The following DACH2 variants were observed in gnomAD, a reference collection of about 807,000 sequenced individuals.
DACH2 encodes dachshund family transcription factor 2.
In DACH2, 17 loss-of-function variants were observed where a neutral mutation model predicts 35.8. The observed-to-expected ratio is 0.48, with a 90% CI of 0.33 to 0.71. The LOEUF (loss-of-function observed/expected upper bound fraction) is 0.71, where lower values mean the gene tolerates loss of function less well. Among genes scored for constraint, DACH2 ranks in the 30% least tolerant of loss-of-function variants. The pLI is 0.02. For missense variants in DACH2, 469 were observed against 472.7 expected, an observed-to-expected ratio of 0.99 and a Z score of 0.07; for synonymous variants, 195 against 177.3, an observed-to-expected ratio of 1.10 and a Z score of -0.79.
At chrX:86,223,620 A>G (rs1255171986) in intron 1 of DACH2, among the ~76,000 whole-genome samples, 2 of 111,334 alleles carry the variant, frequency 1.8e-5, no homozygotes, top group African/African-American at 6.5e-5. Flanking sequence ...ATTAAACAAA[A>G]CCCTCTTTCT....
At chrX:86,284,862 A>G (rs747861101) in intron 1 of DACH2, among the ~76,000 whole-genome samples, 59 of 110,356 alleles carry the variant, frequency 5.3e-4, no homozygotes, top group African/African-American at 1.9e-3. Context: ...TCATGATTCA[A>G]TCTTGGTGGG....
intron 1 of DACH2, chrX:86,184,181 C>A: frequency 5.9e-6 from 1 of 169,604 alleles, no homozygotes; most frequent in Non-Finnish European, 1.1e-5. Context: ...TCCTTCAGTT[C>A]TGCTTTTATC....
chrX:86,629,861 C>A (rs776786341), intron 3 of DACH2, among the ~76,000 whole-genome samples: 1 of 110,703 alleles, frequency 9.0e-6, no homozygotes, highest in African/African-American at 3.3e-5. Flanking sequence ...AGCAACAGAG[C>A]GAGACCCTGT....
intron 3 of DACH2, among the ~76,000 whole-genome samples, chrX:86,603,286 C>T (rs930662009): frequency 1.8e-5 from 2 of 111,099 alleles, no homozygotes; most frequent in Non-Finnish European, 3.8e-5. Flanking sequence ...TATAAAGATC[C>T]CATCTCTAAA....
intron 2 of DACH2, among the ~76,000 whole-genome samples, chrX:86,407,021 C>T (rs1250912902): frequency 1.8e-5 from 2 of 111,828 alleles, no homozygotes; most frequent in African/African-American, 6.5e-5. Context: ...TTATTTTTTG[C>T]TTTTCTGGGA....
chrX:86,460,678 T>A (rs1022543034), intron 2 of DACH2, among the ~76,000 whole-genome samples: 2 of 110,883 alleles, frequency 1.8e-5, no homozygotes, highest in African/African-American at 6.5e-5. Flanking sequence ...AACTTAGTGA[T>A]CTAAAAGACT....
In DACH2 at chrX:86,819,018, A is replaced by G. The variant is rs1164463886; in HGVS notation, c.1750+2919A>G. Among the ~76,000 whole-genome samples the G allele has an allele frequency of 4.7e-5, 5 of 106,715 alleles. No individual in the cohort carries two copies. In the Admixed American group the frequency reaches 5.1e-4, roughly 11 times the overall value. The allele number at this position is 106,715 out of a possible 115,157, so 92.7% of individuals were successfully genotyped here. A position where few individuals can be genotyped will look rare whatever the true frequency, so the allele number is the denominator to read the frequency against. ...TATATATTTACTATATATAGTATATATACATAATGTATCCTATATAATGTA... is the reference window on the plus strand; with the variant it reads ...TATATATTTACTATATATAGTATATGTACATAATGTATCCTATATAATGTA... On this transcript the variant is annotated intron_variant, in intron 11 of 11. Coordinates refer to ENST00000373125, the MANE Select transcript of DACH2 (RefSeq NM_053281.3).
chrX:86,160,228 T>C lies in DACH2; in HGVS notation c.488+11120T>C, dbSNP rs183607038. ...CTAGGGTGGCAGGTATTAGGGATAA[T>C]ATTCATTTAGCCTTCTGAGCTTTCT... On this transcript the variant is annotated intron_variant, in intron 1 of 11. Transcript: ENST00000373125. 1,216 of 1,189,021 alleles carry C rather than the reference T, an allele frequency of 1.0e-3. 3 individuals carry two copies. In the African/African-American group the frequency reaches 0.017, roughly 16 times the overall value.
In DACH2 at chrX:86,249,839, G is replaced by T. The variant is rs147226222; in HGVS notation, c.488+100731G>T. On this transcript the variant is annotated intron_variant, in intron 1 of 11. Transcript: ENST00000373125. ...ATAGTGGATTACATAAAGAAAATATGATACATATACACCATGGATTACTAC... is the reference window on the plus strand; with the variant it reads ...ATAGTGGATTACATAAAGAAAATATTATACATATACACCATGGATTACTAC... Among the ~76,000 whole-genome samples, 5 of 111,489 alleles carry T rather than the reference G, an allele frequency of 4.5e-5. No individual in the cohort carries two copies. In the Admixed American group the frequency reaches 4.8e-4, roughly 11 times the overall value.
intron 3 of DACH2, among the ~76,000 whole-genome samples, chrX:86,556,578 C>G (rs973782368): frequency 9.3e-6 from 1 of 107,555 alleles, no homozygotes; most frequent in Admixed American, 1.0e-4. Context: ...TGAGCTGTTT[C>G]TAGTCCTTGA....
intron 2 of DACH2, among the ~76,000 whole-genome samples, chrX:86,459,548 A>G (rs2037532026): frequency 9.0e-6 from 1 of 111,546 alleles, no homozygotes; most frequent in South Asian, 3.7e-4. Context: ...GTAGTAAATG[A>G]CCTTTAACTT....
intron 1 of DACH2, among the ~76,000 whole-genome samples, chrX:86,306,762 A>C (rs753616655): frequency 4.5e-5 from 5 of 111,453 alleles, no homozygotes; most frequent in African/African-American, 1.3e-4. Context: ...TGATTATGTA[A>C]GTTAATACTC....
chrX:86,794,497 G>A (rs745969912), intron 7 of DACH2, among the ~76,000 whole-genome samples: 35 of 110,301 alleles, frequency 3.2e-4, no homozygotes, highest in Non-Finnish European at 5.1e-4. Context: ...GTCTAAGCAC[G>A]GAAAAACATA....
At chrX:86,463,425 A>G (rs188998766) in intron 2 of DACH2, among the ~76,000 whole-genome samples, 176 of 111,099 alleles carry the variant, frequency 1.6e-3, no homozygotes, top group African/African-American at 5.2e-3. Flanking sequence ...GCAATGGGGA[A>G]AGGATTCCCT....
chrX:86,797,784 TCTGCAAA>T (rs1256172535), intron 7 of DACH2, among the ~76,000 whole-genome samples: 1 of 112,021 alleles, frequency 8.9e-6, no homozygotes, highest in Non-Finnish European at 1.9e-5. Flanking sequence ...GTTTAGTATT[TCTGCAAA>T]GGGCAGAACT....
intron 6 of DACH2, among the ~76,000 whole-genome samples, chrX:86,737,464 T>G (rs2041608272): frequency 1.8e-5 from 2 of 112,131 alleles, no homozygotes; most frequent in Non-Finnish European, 3.8e-5. Context: ...AATCTACTAT[T>G]CATTTCACTA....
intron 2 of DACH2, among the ~76,000 whole-genome samples, chrX:86,414,186 TTC>T (rs767345566): frequency 9.0e-6 from 1 of 111,632 alleles, no homozygotes; most frequent in South Asian, 3.8e-4. Flanking sequence ...GGGGCCGTGA[TTC>T]TCTGTTTCTA....
chrX:86,795,949 G>A (rs758301129), intron 7 of DACH2, among the ~76,000 whole-genome samples: 2 of 110,580 alleles, frequency 1.8e-5, no homozygotes, highest in Admixed American at 9.6e-5. Context: ...AAGGTAGTGC[G>A]GACCCAAAGA....
At chrX:86,274,490 C>T (rs867093893) in intron 1 of DACH2, among the ~76,000 whole-genome samples, 585 of 10,022 alleles carry the variant, frequency 0.058, 26 homozygotes, top group African/African-American at 0.27. Context: ...CGGAGTCTTT[C>T]TGTTTTTTTT....
Sources: gnomAD v4.1 joint callset for allele counts (sites outside exome capture counted in the v4.1 genomes callset) on GRCh38, gnomAD v4.1.1 for gene constraint, MANE v1.5 for transcripts, NCBI Gene and HGNC (gene_info 2026-07-23, HGNC 2026-07-21) for gene names.